The following HMGA2 variants were observed in gnomAD, a reference collection of about 807,000 sequenced individuals.
The protein encoded by HMGA2 is high mobility group protein HMGI-C.
A neutral mutation model predicts 19.1 loss-of-function variants in HMGA2; 8 were observed. The observed-to-expected ratio is 0.42, with a 90% CI of 0.25 to 0.76. The LOEUF is 0.76. Among genes scored for constraint, HMGA2 ranks in the 30% least tolerant of loss-of-function variants. The pLI, the probability that HMGA2 is intolerant of heterozygous loss-of-function variation, is 0.28. For synonymous variants in HMGA2, 60 were observed against 48.8 expected (o/e 1.23, Z -0.96); for missense variants, 109 against 136.3 (o/e 0.80, Z 1.00).
At chr12:65,906,739 G>A (rs531132931) in intron 3 of HMGA2, among the ~76,000 whole-genome samples, 1 of 152,170 alleles carries the variant, frequency 6.6e-6, no homozygotes, top group South Asian at 2.1e-4. Context: ...TAAAGAAAAA[G>A]GTTAAAAATA....
intron 3 of HMGA2, among the ~76,000 whole-genome samples, chr12:65,919,866 A>G (rs777885674): frequency 1.1e-4 from 17 of 152,242 alleles, no homozygotes; most frequent in Non-Finnish European, 1.3e-4. Flanking sequence ...CAAAGGATTC[A>G]AAGCTTCTTA....
rs555178654 is a variant in HMGA2 at position 65,867,211 on chromosome 12, C to T, written c.249+28642C>T. Among the ~76,000 whole-genome samples, 66 of 152,298 alleles carry T rather than the reference C, an allele frequency of 4.3e-4. No homozygotes were observed. The South Asian group carries it at 0.013, about 29-fold the overall frequency. On this transcript the variant is annotated intron_variant, in intron 3 of 4. Coordinates refer to ENST00000403681, the MANE Select transcript of HMGA2 (RefSeq NM_003483.6). ...TGAATGTGGCTAATGGCACAAGCTA[C>T]GTAGAAACAGGCCCTTGTCCTGTTT...
At chr12:65,856,260 T>A (rs560357540) in intron 3 of HMGA2, 1 of 152,340 alleles carries the variant, frequency 6.6e-6, no homozygotes, top group African/African-American at 2.4e-5. Context: ...AACAGTGAAT[T>A]TGAAAGTATT....
intron 3 of HMGA2, among the ~76,000 whole-genome samples, chr12:65,947,341 G>C (rs377026590): frequency 2.6e-5 from 4 of 152,166 alleles, no homozygotes; most frequent in South Asian, 2.1e-4. Flanking sequence ...TCTCGAACTC[G>C]TGAGCTCAAA....
chr12:65,828,087 G>A lies in HMGA2; in HGVS notation c.198G>A (p.Lys66=). 1 of 1,610,546 alleles carries A rather than the reference G, an allele frequency of 6.2e-7. No homozygotes were observed. Among genetic ancestry groups the A allele is most frequent in the Non-Finnish European group, 8.5e-7 (1 of 1,176,840 alleles). ...KNKSPSKAAQ[K]KAEATGEKRP... Reference sequence around the variant, plus strand: ...AGAGTCCCTCTAAAGCAGCTCAAAAGGTGAGATTTCTCAAGTCAAGCTCTC... The same window carrying A: ...AGAGTCCCTCTAAAGCAGCTCAAAAAGTGAGATTTCTCAAGTCAAGCTCTC... The change falls in exon 2 of 5, where the codon AAG becomes AAA. Residue 66 remains lysine, a splice_region_variant and synonymous_variant. Coordinates refer to ENST00000403681, the MANE Select transcript of HMGA2 (RefSeq NM_003483.6).
At chr12:65,832,564 A>G (rs1238425766) in intron 2 of HMGA2, among the ~76,000 whole-genome samples, 1 of 152,036 alleles carries the variant, frequency 6.6e-6, no homozygotes, top group Admixed American at 6.6e-5. Flanking sequence ...TCATTCAAAC[A>G]TGTCTTGTCT....
chr12:65,855,458 TCACA>T (rs3048829), intron 3 of HMGA2, among the ~76,000 whole-genome samples: 59 of 140,228 alleles, frequency 4.2e-4, no homozygotes, highest in South Asian at 3.2e-3. Flanking sequence ...TCTCTCTCTC[TCACA>T]CACACACACA....
chr12:65,838,596 CT>C (rs758586275), intron 3 of HMGA2, 27 bp downstream of exon 3: 163 of 1,549,142 alleles, frequency 1.1e-4, no homozygotes, highest in Non-Finnish European at 1.3e-4. Flanking sequence ...AATTTTTCTT[CT>C]TTTTTTTAAA....
chr12:65,921,555 G>T (rs1317760496), intron 3 of HMGA2, among the ~76,000 whole-genome samples: 1 of 152,154 alleles, frequency 6.6e-6, no homozygotes, highest in Non-Finnish European at 1.5e-5. Context: ...CAGGCATTAA[G>T]TTTTATAAGG....
intron 3 of HMGA2, among the ~76,000 whole-genome samples, chr12:65,861,381 A>G (rs1182092124): frequency 6.6e-6 from 1 of 152,052 alleles, no homozygotes; most frequent in Non-Finnish European, 1.5e-5. Flanking sequence ...AAAACAAAAC[A>G]AAACAAAACA....
intron 2 of HMGA2, chr12:65,828,946 T>C (rs1311325251): frequency 6.6e-6 from 1 of 152,204 alleles, no homozygotes; most frequent in Non-Finnish European, 1.5e-5. Context: ...AGTCACTTTT[T>C]TGACTTTATA....
At chr12:65,930,716 T>C (rs1015297532) in intron 3 of HMGA2, among the ~76,000 whole-genome samples, 1 of 152,320 alleles carries the variant, frequency 6.6e-6, no homozygotes, top group East Asian at 1.9e-4. Context: ...CTTAATATAT[T>C]GTTTTTGACC....
intron 3 of HMGA2, among the ~76,000 whole-genome samples, chr12:65,936,106 CACTA>C (rs2121280144): frequency 6.6e-6 from 1 of 152,258 alleles, no homozygotes; most frequent in South Asian, 2.1e-4. Context: ...GTTTGCAAGC[CACTA>C]TTATTAAGCT....
intron 3 of HMGA2, among the ~76,000 whole-genome samples, chr12:65,865,426 T>C (rs977540010): frequency 2.0e-5 from 3 of 152,154 alleles, no homozygotes; most frequent in Non-Finnish European, 4.4e-5. Flanking sequence ...TTAGTAATAA[T>C]TGAACATATG....
At chr12:65,942,186 T>C (rs1357879346) in intron 3 of HMGA2, among the ~76,000 whole-genome samples, 1 of 152,204 alleles carries the variant, frequency 6.6e-6, no homozygotes, top group African/African-American at 2.4e-5. Context: ...TTTATTTGGC[T>C]GGAGTTAACA....
chr12:65,886,001 T>G (rs975231921), intron 3 of HMGA2, among the ~76,000 whole-genome samples: 8 of 152,162 alleles, frequency 5.3e-5, no homozygotes, highest in African/African-American at 1.9e-4. Flanking sequence ...TTAGGTATCC[T>G]TAGTCCAGCA....
chr12:65,962,573 GGCTCGTTGTCA>G (rs1876781109), intron 4 of HMGA2, among the ~76,000 whole-genome samples: 2 of 152,124 alleles, frequency 1.3e-5, no homozygotes, highest in South Asian at 4.1e-4. Flanking sequence ...GATTTGGGAA[GGCTCGTTGTCA>G]GCTCTGCCCC....
intron 3 of HMGA2, among the ~76,000 whole-genome samples, chr12:65,874,688 CT>C (rs1015398344): frequency 6.6e-6 from 1 of 152,046 alleles, no homozygotes; most frequent in African/African-American, 2.4e-5. Flanking sequence ...GGCAAGATAT[CT>C]TTTTTAAAAA....
intron 3 of HMGA2, among the ~76,000 whole-genome samples, chr12:65,940,526 C>T (rs1876055402): frequency 6.6e-6 from 1 of 151,852 alleles, no homozygotes; most frequent in South Asian, 2.1e-4. Context: ...AATCATAGTC[C>T]AAGGAAGCTA....
Sources: gnomAD v4.1 joint callset for allele counts (sites outside exome capture counted in the v4.1 genomes callset) on GRCh38, gnomAD v4.1.1 for gene constraint, MANE v1.5 for transcripts, NCBI Gene and HGNC (gene_info 2026-07-23, HGNC 2026-07-21) for gene names.